The following NUP155 variants were observed in gnomAD, a reference collection of about 807,000 sequenced individuals.
NUP155 encodes nuclear pore complex protein Nup155.
In NUP155, 71 loss-of-function variants were observed where a neutral mutation model predicts 180.4. The ratio of observed to expected loss-of-function variants is 0.39; its 90% CI spans 0.33 to 0.48. The LOEUF is 0.48. Ranked by LOEUF, NUP155 falls within the 20% of genes least tolerant of loss-of-function variation. The probability of loss-of-function intolerance (pLI) is 0.91; values close to 1 mark genes in which losing one functional copy is unlikely to be tolerated. For synonymous variants in NUP155, 582 were observed against 559.5 expected (o/e 1.04, Z -0.57); for missense variants, 1,553 against 1,648.9 (o/e 0.94, Z 1.01).
At chr5:37,339,392 C>G (rs915154726) in intron 11 of NUP155, among the ~76,000 whole-genome samples, 3 of 151,746 alleles carry the variant, frequency 2.0e-5, no homozygotes, top group Non-Finnish European at 4.4e-5. Flanking sequence ...CTTTGGGAGG[C>G]AGAGGTGGTA....
At chr5:37,348,003 G>C (rs1488556484) in intron 9 of NUP155, among the ~76,000 whole-genome samples, 3 of 152,120 alleles carry the variant, frequency 2.0e-5, no homozygotes, top group African/African-American at 7.2e-5. Context: ...GCATGGTGGT[G>C]CATGTCCGTA....
Position 37,318,034 on chromosome 5 carries a change from G to A in NUP155, c.2259C>T (p.Asn753=), listed in dbSNP as rs369833893. ...QRLIGFMRPE[N]GNPQQMQQEL... is the part of the protein sequence containing the mutation. ...CCTGTTGCATTTGCTGGGGATTTCC[G>A]TTTTCAGGACGCATGAATCCTATCA... Residue 753 remains asparagine (N), a synonymous_variant, in exon 21 of 35, where the codon AAC becomes AAT. Transcript: ENST00000231498. 211 of 1,613,042 alleles carry A rather than the reference G, an allele frequency of 1.3e-4. 2 individuals carry two copies. The South Asian group carries it at 1.9e-3, about 15-fold the overall frequency.
intron 7 of NUP155, 48 bp downstream of exon 7, chr5:37,350,112 T>A: frequency 8.3e-7 from 1 of 1,206,878 alleles, no homozygotes; most frequent in East Asian, 2.3e-5. Flanking sequence ...GAGGGAACAA[T>A]GTGTTAGAAA....
chr5:37,289,890 A>G lies in NUP155; in HGVS notation c.*2010T>C, dbSNP rs1304801936. ...TATAAAACGAATTAATGTATCGCAT[A>G]CATTCACTTTACATATTCAAAAAAC... is the stretch of plus-strand genomic sequence containing the variant. On this transcript the variant is annotated 3_prime_UTR_variant, in exon 35 of 35. Coordinates refer to ENST00000231498, the MANE Select transcript of NUP155 (RefSeq NM_153485.3). 2.0e-5 allele frequency: 3 copies of G among 152,234 alleles called. No individual in the cohort carries two copies. Among genetic ancestry groups the G allele is most frequent in the African/African-American group, 7.2e-5 (3 of 41,470 alleles). The allele number at this position is 152,234 out of a possible 1,614,324, so 9.4% of individuals were successfully genotyped here. A position where few individuals can be genotyped will look rare whatever the true frequency, so the allele number is the denominator to read the frequency against.
At chr5:37,324,817 C>T (rs949315554) in intron 19 of NUP155, among the ~76,000 whole-genome samples, 3 of 152,142 alleles carry the variant, frequency 2.0e-5, no homozygotes, top group African/African-American at 4.8e-5. Context: ...GTTACAGGCA[C>T]GGGCCACTGT....
At chr5:37,349,149 G>A in intron 8 of NUP155, 23 bp downstream of exon 8, 1 of 536,588 alleles carries the variant, frequency 1.9e-6, no homozygotes, top group Non-Finnish European at 3.2e-6. Flanking sequence ...GACTCTTAAT[G>A]GTATAATAAT....
In NUP155 at chr5:37,303,290, C is replaced by G; in HGVS notation, c.3287G>C (p.Arg1096Pro). The part of the protein sequence containing the change: ...EKNRSFSNAA[R>P]VLSRLADMHS... ...CATGTCAGCCAGTCTGGACAGTACA[C>G]GAGCAGCATTACTGAAACTTCTGTT... The change falls in exon 28 of 35, where the codon CGT becomes CCT. Residue 1096 changes from arginine to proline, a missense_variant. Arg to Pro is a moderately radical substitution (Grantham distance 103, BLOSUM62 -2). Transcript: ENST00000231498. 1 of 1,614,114 alleles carries G rather than the reference C, an allele frequency of 6.2e-7. No homozygotes were observed. The highest frequency in any genetic ancestry group is 2.2e-5 in the East Asian group (1 of 44,874).
rs184514072 is a variant in NUP155 at position 37,290,491 on chromosome 5, A to C, written c.*1409T>G. The stretch of plus-strand genomic sequence containing the variant: ...AGATTCTGTCTCCAAAAAAAAAAAA[A>C]AGAGAGAAAGGAATAGAGTGTTTTG... On this transcript the variant is annotated 3_prime_UTR_variant, in exon 35 of 35. Coordinates refer to ENST00000231498, the MANE Select transcript of NUP155 (RefSeq NM_153485.3). 6.6e-6 allele frequency: 1 copy of C among 151,934 alleles called. No individual in the cohort carries two copies. Among genetic ancestry groups the C allele is most frequent in the African/African-American group, 2.4e-5 (1 of 41,344 alleles). The allele number at this position is 151,934 out of a possible 1,614,324, so 9.4% of individuals were successfully genotyped here.
intron 9 of NUP155, among the ~76,000 whole-genome samples, chr5:37,348,154 A>C (rs1380877438): frequency 6.6e-6 from 1 of 151,722 alleles, no homozygotes; most frequent in Non-Finnish European, 1.5e-5. Flanking sequence ...ATATATAAAA[A>C]TTAGCCAGGC....
Position 37,352,724 on chromosome 5 carries a change from TG to T in NUP155, c.556+12del. On this transcript the variant is annotated intron_variant, in intron 5 of 34. Coordinates refer to ENST00000231498, the MANE Select transcript of NUP155 (RefSeq NM_153485.3). ...TATTATTTTAAAAAACGTTAACATG[TG>T]GGTTGCCATACCTGTTTGCAAATTA... is the stretch of plus-strand genomic sequence containing the variant. The T allele has an allele frequency of 6.4e-7, 1 of 1,571,456 alleles. No individual in the cohort carries two copies. The highest frequency in any genetic ancestry group is 1.4e-5 in the African/African-American group (1 of 73,940).
chr5:37,360,457 C>T (rs1159086404), intron 3 of NUP155, among the ~76,000 whole-genome samples: 1 of 151,786 alleles, frequency 6.6e-6, no homozygotes, highest in African/African-American at 2.4e-5. Context: ...TGCACTCCAG[C>T]CTGGGCAACA....
chr5:37,289,886 G>A lies in NUP155; in HGVS notation c.*2014C>T, dbSNP rs1251604027. The A allele has an allele frequency of 2.0e-5, 3 of 152,042 alleles. No homozygotes were observed. The highest frequency in any genetic ancestry group is 4.4e-5 in the Non-Finnish European group (3 of 68,026). 9.4% of individuals were successfully genotyped at this position (152,042 alleles called of 1,614,324 possible). ...AATTTATAAAACGAATTAATGTATC[G>A]CATACATTCACTTTACATATTCAAA... is the stretch of plus-strand genomic sequence containing the variant. On this transcript the variant is annotated 3_prime_UTR_variant, in exon 35 of 35. Transcript: ENST00000231498.
chr5:37,347,997 G>A (rs1001136198), intron 9 of NUP155, among the ~76,000 whole-genome samples: 1 of 152,170 alleles, frequency 6.6e-6, no homozygotes, highest in Non-Finnish European at 1.5e-5. Context: ...AGCTGGGCAT[G>A]GTGGTGCATG....
chr5:37,350,628 ACT>A (rs1038451999), intron 6 of NUP155, among the ~76,000 whole-genome samples: 4 of 151,938 alleles, frequency 2.6e-5, no homozygotes, highest in Non-Finnish European at 5.9e-5. Context: ...ACATGATGAA[ACT>A]CTGCCTCTAA....
chr5:37,351,420 AT>A, intron 5 of NUP155, 64 bp from the exon 6 acceptor site: 1 of 1,151,414 alleles, frequency 8.7e-7, no homozygotes, highest in Non-Finnish European at 1.3e-6. Flanking sequence ...AAATCTTTGC[AT>A]TATCATCAGA....
intron 20 of NUP155, among the ~76,000 whole-genome samples, chr5:37,320,783 C>A (rs955058734): frequency 1.3e-5 from 2 of 151,946 alleles, no homozygotes; most frequent in South Asian, 4.2e-4. Flanking sequence ...CTAAAAACAT[C>A]TGACAAGTAA....
chr5:37,370,965 A>G lies in NUP155; in HGVS notation c.13T>C (p.Leu5=), dbSNP rs1229576969. 1.2e-6 allele frequency: 2 copies of G among 1,613,958 alleles called. No individual in the cohort carries two copies. The highest frequency in any genetic ancestry group is 1.1e-5 in the South Asian group (1 of 91,084). The change falls in exon 1 of 35, where the codon TTG becomes CTG. Residue 5 remains leucine (L), a synonymous_variant. Coordinates refer to ENST00000231498, the MANE Select transcript of NUP155 (RefSeq NM_153485.3). The part of the protein sequence containing the change: MPSS[L]LGAAMPASTS... ...GAGGCCGGCATCGCCGCGCCCAACA[A>G]AGAAGACGGCATCTCGGAAATCGTA...
At chr5:37,368,421 C>T (rs1747747246) in intron 1 of NUP155, among the ~76,000 whole-genome samples, 3 of 151,740 alleles carry the variant, frequency 2.0e-5, no homozygotes, top group Admixed American at 2.0e-4. Flanking sequence ...CTTTAAGAGG[C>T]TGGGTTTTGC....
intron 23 of NUP155, among the ~76,000 whole-genome samples, chr5:37,310,219 C>T (rs759938835): frequency 6.6e-6 from 1 of 152,050 alleles, no homozygotes; most frequent in African/African-American, 2.4e-5. Flanking sequence ...ACACCCGTAG[C>T]CCCTAGCTAC....
Sources: gnomAD v4.1 joint callset for allele counts (sites outside exome capture counted in the v4.1 genomes callset) on GRCh38, gnomAD v4.1.1 for gene constraint, MANE v1.5 for transcripts, NCBI Gene and HGNC (gene_info 2026-07-23, HGNC 2026-07-21) for gene names.